FAT4: variants seen among roughly 807,000 people sequenced by gnomAD.
FAT4 encodes the protein FAT atypical cadherin 4.
FAT4 carries 84 observed loss-of-function variants against 303.9 expected under a neutral mutation model. The ratio of observed to expected loss-of-function variants is 0.28; its 90% CI spans 0.23 to 0.33. The LOEUF (loss-of-function observed/expected upper bound fraction) is 0.33. Ranked by LOEUF, FAT4 falls within the 10% of genes least tolerant of loss-of-function variation. FAT4 has a pLI of 1.00. For missense variants in FAT4, 6,005 were observed against 6,146.8 expected, an observed-to-expected ratio of 0.98 and a Z score of 0.77; for synonymous variants, 2,307 against 2,298.8, an observed-to-expected ratio of 1.00 and a Z score of -0.10.
intron 2 of FAT4, among the ~76,000 whole-genome samples, chr4:125,397,191 G>T (rs1320632245): frequency 6.6e-6 from 1 of 152,002 alleles, no homozygotes; most frequent in Non-Finnish European, 1.5e-5. Flanking sequence ...GCCAGAAACT[G>T]TGTTAAGCAT....
intron 7 of FAT4, among the ~76,000 whole-genome samples, chr4:125,417,414 C>G (rs993996157): frequency 6.6e-6 from 1 of 152,008 alleles, no homozygotes; most frequent in Non-Finnish European, 1.5e-5. Flanking sequence ...TTCCAGGGAG[C>G]CAAACTATAA....
chr4:125,318,727 A>T lies in FAT4; in HGVS notation c.2316A>T (p.Gln772His), dbSNP rs187427286. 1 of 1,613,934 alleles carries T rather than the reference A, an allele frequency of 6.2e-7. No individual in the cohort carries two copies. Among genetic ancestry groups the T allele is most frequent in the Non-Finnish European group, 8.5e-7 (1 of 1,179,894 alleles). ...QIVATDGGNL[Q>H]SPNQAIVTIT... ...TAGCTACTGATGGTGGCAATTTACA[A>T]TCTCCCAACCAGGCAATAGTAACCA... Residue 772 changes from glutamine (Q) to histidine (H), a missense_variant, in exon 2 of 18, where the codon CAA becomes CAT. Physicochemically the swap from Gln to His is conservative, Grantham distance 24. Coordinates refer to ENST00000394329, the MANE Select transcript of FAT4 (RefSeq NM_001291303.3).
At chr4:125,424,025 GAATGTACCTTTT>G (rs1196044481) in intron 7 of FAT4, among the ~76,000 whole-genome samples, 1 of 152,208 alleles carries the variant, frequency 6.6e-6, no homozygotes, top group African/African-American at 2.4e-5. Flanking sequence ...TAGGTGGAAG[GAATGTACCTTTT>G]CTCAGATAAG....
chr4:125,492,237 A>T lies in FAT4; in HGVS notation c.*469A>T, dbSNP rs1488832603. On this transcript the variant is annotated 3_prime_UTR_variant, in exon 18 of 18. Coordinates refer to ENST00000394329, the MANE Select transcript of FAT4 (RefSeq NM_001291303.3). ...CCTATCGTGGAATGAAAGATTAAGT[A>T]TATTAACACTTTTCAGAATGATAGT... The T allele has an allele frequency of 6.4e-6, 1 of 155,886 alleles. No homozygotes were observed. The highest frequency in any genetic ancestry group is 1.9e-4 in the East Asian group (1 of 5,266). 9.7% of individuals were successfully genotyped at this position (155,886 alleles called of 1,614,324 possible). A position where few individuals can be genotyped will look rare whatever the true frequency, so the allele number is the denominator to read the frequency against.
intron 5 of FAT4, among the ~76,000 whole-genome samples, chr4:125,411,496 A>G (rs1231790066): frequency 6.6e-6 from 1 of 151,864 alleles, no homozygotes; most frequent in Non-Finnish European, 1.5e-5. Flanking sequence ...ATATTGGTGT[A>G]CAATACAGAC....
chr4:125,467,230 G>A (rs1726698159), intron 11 of FAT4, among the ~76,000 whole-genome samples: 1 of 151,966 alleles, frequency 6.6e-6, no homozygotes, highest in Admixed American at 6.5e-5. Context: ...AAAATAGCTA[G>A]ACAATCAGTA....
At chr4:125,428,380 T>C (rs1456815807) in intron 7 of FAT4, among the ~76,000 whole-genome samples, 1 of 152,182 alleles carries the variant, frequency 6.6e-6, no homozygotes, top group Non-Finnish European at 1.5e-5. Flanking sequence ...TTAAAGGCAA[T>C]GCTAGTTATT....
In FAT4 at chr4:125,491,420, A is replaced by G. The variant is rs1014866; in HGVS notation, c.14604A>G (p.Arg4868=). 0.76 allele frequency: 1,229,649 copies of G among 1,613,936 alleles called. 469,456 individuals are homozygous for G. The highest frequency in any genetic ancestry group is 0.86 in the East Asian group (38,720 of 44,850). ...AGAAGCCAATGGTATATACTTCCAGAATGCCCAAATTATCTCAAGTCAATG... is the reference window on the plus strand; with the variant it reads ...AGAAGCCAATGGTATATACTTCCAGGATGCCCAAATTATCTCAAGTCAATG... ...DREKPMVYTS[R]MPKLSQVNES... is the part of the protein sequence containing the mutation. The change falls in exon 18 of 18, where the codon AGA becomes AGG. Residue 4868 remains arginine, a synonymous_variant. Transcript: ENST00000394329.
At position 125,353,777 on chromosome 4, in the gene FAT4, G is replaced by A. The variant is rs534208581; in HGVS notation, c.5175+32191G>A. ...AACATTTGTTACATTTTAATCGTTA[G>A]AGTAAAATATTTAGTGACTGAAAAA... On this transcript the variant is annotated intron_variant, in intron 2 of 17. Coordinates refer to ENST00000394329, the MANE Select transcript of FAT4 (RefSeq NM_001291303.3). Among the ~76,000 whole-genome samples, 6 of 151,698 alleles carry A rather than the reference G, an allele frequency of 4.0e-5. No homozygotes were observed. In the South Asian group the frequency reaches 1.0e-3, roughly 26 times the overall value.
chr4:125,337,203 G>C (rs963627302), intron 2 of FAT4, among the ~76,000 whole-genome samples: 2 of 151,990 alleles, frequency 1.3e-5, no homozygotes, highest in Admixed American at 1.3e-4. Context: ...ATCATAACTA[G>C]ATCTTTCTTT....
chr4:125,478,353 C>T (rs978882534), intron 14 of FAT4, among the ~76,000 whole-genome samples: 6 of 152,118 alleles, frequency 3.9e-5, no homozygotes, highest in South Asian at 2.1e-4. Context: ...CTTCGGTGTG[C>T]ATCCTTTTAT....
Position 125,449,481 on chromosome 4 carries a change from C to T in FAT4, c.8471C>T (p.Pro2824Leu), listed in dbSNP as rs1725963038. ...MDASLPFTIN[P>L]STGDIVISRP... is the part of the protein sequence containing the mutation. ...GCAAGTCTTCCATTTACAATTAATCCCAGCACAGGGGATATTGTCATAAGC... is the reference window on the plus strand; with the variant it reads ...GCAAGTCTTCCATTTACAATTAATCTCAGCACAGGGGATATTGTCATAAGC... The change falls in exon 10 of 18, where the codon CCC becomes CTC. Residue 2824 changes from proline to leucine, a missense_variant. By Grantham distance (98) the Pro-to-Leu change is moderately conservative. Transcript: ENST00000394329. 1 of 1,613,646 alleles carries T rather than the reference C, an allele frequency of 6.2e-7. No homozygotes were observed. The highest frequency in any genetic ancestry group is 2.2e-5 in the East Asian group (1 of 44,846).
At chr4:125,447,645 C>T (rs1007082170) in intron 9 of FAT4, among the ~76,000 whole-genome samples, 10 of 152,028 alleles carry the variant, frequency 6.6e-5, no homozygotes, top group South Asian at 6.2e-4. Context: ...CTTTTGTTAC[C>T]GTTTCTTCTG....
intron 16 of FAT4, among the ~76,000 whole-genome samples, chr4:125,485,122 A>C (rs1218272352): frequency 2.0e-5 from 3 of 152,174 alleles, no homozygotes; most frequent in Non-Finnish European, 2.9e-5. Context: ...TCAGAGAGTC[A>C]TTAAGCAAGT....
chr4:125,457,034 C>T (rs777976092), intron 10 of FAT4, among the ~76,000 whole-genome samples: 7 of 151,898 alleles, frequency 4.6e-5, no homozygotes, highest in Non-Finnish European at 8.8e-5. Flanking sequence ...GTTTCAAAGT[C>T]TGTGAAATTA....
At chr4:125,442,154 G>A (rs1203868198) in intron 8 of FAT4, among the ~76,000 whole-genome samples, 1 of 151,998 alleles carries the variant, frequency 6.6e-6, no homozygotes, top group African/African-American at 2.4e-5. Context: ...CTGCCTTTTT[G>A]AACACTATTG....
chr4:125,432,529 A>T (rs1226447429), intron 7 of FAT4, among the ~76,000 whole-genome samples: 1 of 152,186 alleles, frequency 6.6e-6, no homozygotes, highest in Non-Finnish European at 1.5e-5. Flanking sequence ...ATCGTATCCT[A>T]CATTCATATC....
chr4:125,465,367 G>A (rs1444036940), intron 11 of FAT4, among the ~76,000 whole-genome samples: 1 of 152,056 alleles, frequency 6.6e-6, no homozygotes, highest in African/African-American at 2.4e-5. Flanking sequence ...ATTTTAAGTG[G>A]TGCTGCTTTC....
At chr4:125,481,409 A>G in intron 15 of FAT4, 112 bp from the exon 16 acceptor site, 1 of 844,764 alleles carries the variant, frequency 1.2e-6, no homozygotes, top group Non-Finnish European at 1.8e-6. Flanking sequence ...GGGGACATTA[A>G]TTCCCAAAAC....
Sources: gnomAD v4.1 joint callset for allele counts (sites outside exome capture counted in the v4.1 genomes callset) on GRCh38, gnomAD v4.1.1 for gene constraint, MANE v1.5 for transcripts, NCBI Gene and HGNC (gene_info 2026-07-23, HGNC 2026-07-21) for gene names.